BBX: variants seen among roughly 807,000 people sequenced by gnomAD.
The protein encoded by BBX is HMG box transcription factor BBX.
BBX carries 30 observed loss-of-function variants against 100.2 expected under a neutral mutation model. That is an observed-to-expected ratio of 0.30 (90% confidence interval 0.22 to 0.41). BBX has a LOEUF of 0.41. Among genes scored for constraint, BBX ranks in the 10% least tolerant of loss-of-function variants. The pLI is 1.00. For synonymous variants in BBX, 376 were observed against 388.1 expected (o/e 0.97, Z 0.37); for missense variants, 1,023 against 1,129.8 (o/e 0.91, Z 1.35).
chr3:107,643,148 A>G (rs1366475519), intron 2 of BBX, among the ~76,000 whole-genome samples: 1 of 152,120 alleles, frequency 6.6e-6, no homozygotes, highest in African/African-American at 2.4e-5. Context: ...GCCTCATTGT[A>G]GGAGGTGGCA....
At chr3:107,566,067 T>C (rs2050879224) in intron 2 of BBX, among the ~76,000 whole-genome samples, 2 of 142,776 alleles carry the variant, frequency 1.4e-5, no homozygotes, top group African/African-American at 5.2e-5. Flanking sequence ...CCCAGCCACT[T>C]GGGAGATTGT....
At chr3:107,606,798 A>G (rs1019624684) in intron 2 of BBX, among the ~76,000 whole-genome samples, 1 of 152,174 alleles carries the variant, frequency 6.6e-6, no homozygotes. Context: ...GTTACAAACA[A>G]TCCGATTATA....
chr3:107,731,212 G>T (rs1035345483), intron 6 of BBX, among the ~76,000 whole-genome samples: 2 of 152,092 alleles, frequency 1.3e-5, no homozygotes, highest in Non-Finnish European at 2.9e-5. Context: ...CTATGTTTTA[G>T]TATCTATACA....
At chr3:107,803,478 G>A (rs1254661219) in intron 17 of BBX, among the ~76,000 whole-genome samples, 2 of 152,142 alleles carry the variant, frequency 1.3e-5, no homozygotes, top group Non-Finnish European at 2.9e-5. Flanking sequence ...CATGGAGTTA[G>A]GGGTGGAAAT....
intron 10 of BBX, among the ~76,000 whole-genome samples, chr3:107,763,313 C>A (rs1445197959): frequency 6.6e-6 from 1 of 151,822 alleles, no homozygotes; most frequent in Non-Finnish European, 1.5e-5. Flanking sequence ...CAAGCTCCGC[C>A]TCCCGGGTTC....
chr3:107,654,576 A>G (rs921592775), intron 3 of BBX, among the ~76,000 whole-genome samples: 2 of 152,236 alleles, frequency 1.3e-5, no homozygotes, highest in African/African-American at 4.8e-5. Context: ...GTCAGCTCCA[A>G]AATGCTCACT....
intron 2 of BBX, among the ~76,000 whole-genome samples, chr3:107,565,483 A>ATTTATTTATT (rs79728272): frequency 6.7e-6 from 1 of 148,400 alleles, no homozygotes; most frequent in Non-Finnish European, 1.5e-5. Context: ...TTATTTATGT[A>ATTTATTTATT]TGTTTGAGAC....
rs763368475 is a variant in BBX, at chr3:107,779,016, TATATACACACAC to T, written c.2203+499_2203+510del. 6.6e-4 allele frequency among the ~76,000 whole-genome samples: 48 copies of T among 72,354 alleles called. 6 individuals carry two copies. The highest frequency in any genetic ancestry group is 2.6e-3 in the Admixed American group (18 of 6,936). 47.5% of individuals were successfully genotyped at this position (72,354 alleles called of 152,430 possible). A position where few individuals can be genotyped will look rare whatever the true frequency, so the allele number is the denominator to read the frequency against. On this transcript the variant is annotated intron_variant, in intron 13 of 17. Coordinates refer to ENST00000325805, the MANE Select transcript of BBX (RefSeq NM_001142568.3). ...CAACATATATATATATATATATATA[TATATACACACAC>T]ACACACACATATACATTGGTTTTGT...
intron 2 of BBX, among the ~76,000 whole-genome samples, chr3:107,595,557 T>C (rs1297574020): frequency 6.6e-6 from 1 of 152,170 alleles, no homozygotes; most frequent in Non-Finnish European, 1.5e-5. Flanking sequence ...AATACGGACT[T>C]GTGTGAGTGG....
intron 7 of BBX, among the ~76,000 whole-genome samples, chr3:107,737,949 C>T (rs1196869084): frequency 8.0e-6 from 1 of 124,568 alleles, no homozygotes; most frequent in African/African-American, 3.0e-5. Flanking sequence ...TTGGGCATCC[C>T]AAATCCAAAA....
At chr3:107,588,903 A>C (rs2053069296) in intron 2 of BBX, among the ~76,000 whole-genome samples, 1 of 152,192 alleles carries the variant, frequency 6.6e-6, no homozygotes, top group Non-Finnish European at 1.5e-5. Context: ...AAAATTACGT[A>C]TTTAGTCTAC....
chr3:107,574,560 C>T (rs2051630628), intron 2 of BBX, among the ~76,000 whole-genome samples: 1 of 152,070 alleles, frequency 6.6e-6, no homozygotes, highest in South Asian at 2.1e-4. Flanking sequence ...AATAAACACT[C>T]AATTCGTTGA....
chr3:107,729,014 G>T, intron 6 of BBX, 54 bp downstream of exon 6: 1 of 1,547,644 alleles, frequency 6.5e-7, no homozygotes. Context: ...AATACATTTC[G>T]GCAGCATTTT....
chr3:107,679,718 C>T (rs955905731), intron 3 of BBX, among the ~76,000 whole-genome samples: 9 of 152,122 alleles, frequency 5.9e-5, no homozygotes, highest in African/African-American at 1.9e-4. Context: ...GGGATTAGTA[C>T]AGTCCAGGCT....
intron 2 of BBX, among the ~76,000 whole-genome samples, chr3:107,572,454 A>C (rs900697626): frequency 9.2e-5 from 14 of 152,186 alleles, no homozygotes. Flanking sequence ...GGAGATTCTC[A>C]TGTATTAAAA....
At chr3:107,625,064 G>T (rs1415505817) in intron 2 of BBX, among the ~76,000 whole-genome samples, 1 of 152,170 alleles carries the variant, frequency 6.6e-6, no homozygotes, top group Non-Finnish European at 1.5e-5. Flanking sequence ...TAATTTCAAA[G>T]AGAGTTGCTG....
chr3:107,585,699 C>T (rs960191173), intron 2 of BBX, among the ~76,000 whole-genome samples: 17 of 151,940 alleles, frequency 1.1e-4, no homozygotes, highest in African/African-American at 3.6e-4. Flanking sequence ...GCTGTATTGG[C>T]ATAACCACTT....
chr3:107,681,687 G>A (rs1412370507), intron 3 of BBX, among the ~76,000 whole-genome samples: 2 of 152,050 alleles, frequency 1.3e-5, no homozygotes, highest in African/African-American at 2.4e-5. Context: ...GGAAGTGTCC[G>A]CCCTTTGGAC....
At position 107,573,631 on chromosome 3, in the gene BBX, T is replaced by C. The variant is rs187960450; in HGVS notation, c.-84+47233T>C. Among the ~76,000 whole-genome samples the C allele has an allele frequency of 7.9e-4, 121 of 152,310 alleles. 1 individual carries two copies. Among genetic ancestry groups the C allele is most frequent in the African/African-American group, 2.8e-3 (116 of 41,556 alleles). ...TGGGCTTTAAAAATGAAACTAAATA[T>C]AGATTAAACATAGTTACAGTTTTGT... On this transcript the variant is annotated intron_variant, in intron 2 of 17. Transcript: ENST00000325805.
Sources: allele counts gnomAD v4.1 joint callset (sites outside exome capture counted in the v4.1 genomes callset), GRCh38; gene constraint gnomAD v4.1.1; transcripts MANE v1.5; gene names NCBI Gene and HGNC (gene_info 2026-07-23, HGNC 2026-07-21).